Variants in AGBL1 observed in about 807,000 individuals in gnomAD.
AGBL1 encodes AGBL carboxypeptidase 1, also known as cytosolic carboxypeptidase 4.
AGBL1 carries 130 observed loss-of-function variants against 118.9 expected under a neutral mutation model. The ratio of observed to expected loss-of-function variants is 1.09; its 90% CI spans 0.95 to 1.26. AGBL1 has a LOEUF of 1.26. AGBL1 is among the 50% of genes most tolerant of loss of function. The pLI, the probability that AGBL1 is intolerant of heterozygous loss-of-function variation, is 0.00. For synonymous variants in AGBL1, 555 were observed against 478.9 expected, an observed-to-expected ratio of 1.16 and a Z score of -2.08; for missense variants, 1,584 against 1,298.1, an observed-to-expected ratio of 1.22 and a Z score of -3.38.
intron 22 of AGBL1, among the ~76,000 whole-genome samples, chr15:86,764,494 A>G (rs892503729): frequency 6.6e-6 from 1 of 152,058 alleles, no homozygotes; most frequent in African/African-American, 2.4e-5. Context: ...AGGATCTGAG[A>G]CAAATATATC....
chr15:86,169,317 C>A (rs776840084), intron 5 of AGBL1, among the ~76,000 whole-genome samples: 2 of 152,122 alleles, frequency 1.3e-5, no homozygotes, highest in African/African-American at 2.4e-5. Flanking sequence ...TTAGCCAAAG[C>A]CAAGGAAAGA....
chr15:87,007,430 C>G (rs1295124028), intron 24 of AGBL1, among the ~76,000 whole-genome samples: 1 of 152,146 alleles, frequency 6.6e-6, no homozygotes, highest in African/African-American at 2.4e-5. Flanking sequence ...TGCAGGTACT[C>G]TGGACTTTGG....
At chr15:86,708,254 A>G (rs2086488917) in intron 22 of AGBL1, among the ~76,000 whole-genome samples, 1 of 152,064 alleles carries the variant, frequency 6.6e-6, no homozygotes, top group East Asian at 1.9e-4. Flanking sequence ...GAAGTAACTG[A>G]GATTAAATGA....
At chr15:86,714,529 T>G (rs967049024) in intron 22 of AGBL1, among the ~76,000 whole-genome samples, 2 of 152,108 alleles carry the variant, frequency 1.3e-5, no homozygotes, top group Admixed American at 6.5e-5. Flanking sequence ...GTATGAGACA[T>G]CATGGAGTGG....
chr15:86,225,837 C>G (rs2078353397), intron 6 of AGBL1, among the ~76,000 whole-genome samples: 1 of 152,144 alleles, frequency 6.6e-6, no homozygotes, highest in Admixed American at 6.5e-5. Context: ...TAAAAACACT[C>G]TCTCCCCCCA....
At chr15:86,737,613 A>G (rs1234419725) in intron 22 of AGBL1, among the ~76,000 whole-genome samples, 6 of 152,092 alleles carry the variant, frequency 3.9e-5, no homozygotes, top group African/African-American at 1.4e-4. Flanking sequence ...CCTCCTACGT[A>G]GGGTATGTTT....
chr15:86,998,840 A>G (rs1276234506), intron 24 of AGBL1, among the ~76,000 whole-genome samples: 1 of 151,628 alleles, frequency 6.6e-6, no homozygotes, highest in African/African-American at 2.4e-5. Context: ...CCAAGATTTT[A>G]CTTTATTTTT....
At chr15:86,318,155 A>G (rs1299111033) in intron 17 of AGBL1, among the ~76,000 whole-genome samples, 1 of 152,252 alleles carries the variant, frequency 6.6e-6, no homozygotes, top group Non-Finnish European at 1.5e-5. Context: ...ATTTACCCAA[A>G]GTCAGCCCCA....
At chr15:86,471,544 G>A (rs1036025425) in intron 18 of AGBL1, among the ~76,000 whole-genome samples, 6 of 149,238 alleles carry the variant, frequency 4.0e-5, no homozygotes, top group African/African-American at 1.5e-4. Context: ...TTTGCTATCA[G>A]ATCAACACTG....
In AGBL1 at chr15:86,293,245, CT is replaced by C. The variant is rs911567736; in HGVS notation, c.2221-2003del. 7.2e-5 allele frequency among the ~76,000 whole-genome samples: 11 copies of C among 152,074 alleles called. No individual in the cohort carries two copies. In the South Asian group the frequency reaches 2.3e-3, roughly 31 times the overall value. On this transcript the variant is annotated intron_variant, in intron 16 of 22. Coordinates refer to ENST00000614907, the MANE Select transcript of AGBL1 (RefSeq NM_001386094.1). ...GTAGTGGCTTCAACAGGAACAGGTA[CT>C]TTTTTTAAAAAAAATTGTACAGCTT...
intron 24 of AGBL1, among the ~76,000 whole-genome samples, chr15:87,012,825 G>C (rs894320032): frequency 2.0e-5 from 3 of 152,054 alleles, no homozygotes; most frequent in Non-Finnish European, 4.4e-5. Flanking sequence ...GTATGGCTGA[G>C]ATATATCCTT....
chr15:86,442,661 T>C (rs543700744), intron 18 of AGBL1, among the ~76,000 whole-genome samples: 1 of 152,192 alleles, frequency 6.6e-6, no homozygotes, highest in Admixed American at 6.5e-5. Flanking sequence ...CTAGATATAA[T>C]AGTGGGAGAA....
intron 18 of AGBL1, among the ~76,000 whole-genome samples, chr15:86,475,632 C>G (rs960819664): frequency 3.3e-5 from 5 of 152,158 alleles, no homozygotes; most frequent in Non-Finnish European, 5.9e-5. Flanking sequence ...AGAATGGAAC[C>G]AAGTTGGAAA....
At chr15:87,022,580 C>T (rs962763935) in intron 24 of AGBL1, among the ~76,000 whole-genome samples, 10 of 152,036 alleles carry the variant, frequency 6.6e-5, no homozygotes, top group African/African-American at 2.4e-4. Flanking sequence ...GAGACCTAGA[C>T]ATCCAAATAC....
rs145960668 is a variant in AGBL1, at chr15:86,634,016, C to G, written c.2995-40257C>G. Among the ~76,000 whole-genome samples the G allele has an allele frequency of 2.9e-3, 433 of 151,810 alleles. 2 individuals carry two copies. Among genetic ancestry groups the G allele is most frequent in the African/African-American group, 7.8e-3 (324 of 41,422 alleles). On this transcript the variant is annotated intron_variant, in intron 21 of 22. Coordinates refer to ENST00000614907, the MANE Select transcript of AGBL1 (RefSeq NM_001386094.1). ...TGCAAATCAATATCAGTAGGAGATACCACTTCACACCCATTAAAATGGCTG... is the reference window on the plus strand; with the variant it reads ...TGCAAATCAATATCAGTAGGAGATAGCACTTCACACCCATTAAAATGGCTG...
chr15:86,771,287 C>G (rs906566055), intron 22 of AGBL1, among the ~76,000 whole-genome samples: 1 of 151,960 alleles, frequency 6.6e-6, no homozygotes, highest in Non-Finnish European at 1.5e-5. Flanking sequence ...ATCCCTAATC[C>G]TTTTGATAAT....
chr15:86,247,145 A>G (rs1037986418), intron 6 of AGBL1, among the ~76,000 whole-genome samples: 12 of 152,252 alleles, frequency 7.9e-5, no homozygotes, highest in African/African-American at 2.9e-4. Flanking sequence ...AGATCTACAG[A>G]TCTTATTCAA....
At chr15:86,523,943 G>C (rs982807088) in intron 19 of AGBL1, among the ~76,000 whole-genome samples, 24 of 152,204 alleles carry the variant, frequency 1.6e-4, no homozygotes, top group Admixed American at 1.4e-3. Flanking sequence ...TCCAAATTCA[G>C]AGTCCTTACC....
chr15:86,970,513 A>G (rs926002667), intron 23 of AGBL1, among the ~76,000 whole-genome samples: 6 of 152,012 alleles, frequency 3.9e-5, no homozygotes, highest in African/African-American at 1.2e-4. Flanking sequence ...ACGTTGAGCT[A>G]TGTGCTCAAA....
Sources: gnomAD v4.1 joint callset for allele counts (sites outside exome capture counted in the v4.1 genomes callset) on GRCh38, gnomAD v4.1.1 for gene constraint, MANE v1.5 for transcripts, NCBI Gene and HGNC (gene_info 2026-07-23, HGNC 2026-07-21) for gene names.